The following CUL4B variants were observed in gnomAD, a reference collection of about 807,000 sequenced individuals.
The protein encoded by CUL4B is cullin-4B.
A neutral mutation model predicts 69.2 loss-of-function variants in CUL4B; 1 was observed. The observed-to-expected ratio is 0.01, with a 90% confidence interval of 0.01 to 0.07. CUL4B has a LOEUF of 0.07. CUL4B is among the 10% of genes least tolerant of loss of function. The pLI is 1.00. For synonymous variants in CUL4B, 237 were observed against 223.2 expected (o/e 1.06, Z -0.55); for missense variants, 328 against 638.8 (o/e 0.51, Z 5.24).
Position 120,547,048 on chromosome X carries a change from A to T in CUL4B, c.776+88T>A, listed in dbSNP as rs1212971601. The T allele has an allele frequency of 6.7e-6, 4 of 596,482 alleles. No individual in the cohort carries two copies. The Admixed American group carries it at 7.6e-5, about 11-fold the overall frequency. The allele number at this position is 596,482 out of a possible 1,213,427, so 49.2% of individuals were successfully genotyped here. A position where few individuals can be genotyped will look rare whatever the true frequency, so the allele number is the denominator to read the frequency against. ...AATGACAAACCTACAAAATACAGGC[A>T]TTCTACTTCAAGCTGGGTTAAACAG... On this transcript the variant is annotated intron_variant, in intron 3 of 19. Transcript: ENST00000371322.
At chrX:120,545,842 CAT>C (rs762895092) in intron 4 of CUL4B, among the ~76,000 whole-genome samples, 2 of 74,918 alleles carry the variant, frequency 2.7e-5, no homozygotes, top group Non-Finnish European at 4.5e-5. Flanking sequence ...TTACATTGCA[CAT>C]GTGAGGGTTT....
chrX:120,563,454 C>T (rs1205438643), upstream of CUL4B, among the ~76,000 whole-genome samples: 1 of 111,310 alleles, frequency 9.0e-6, no homozygotes, highest in Admixed American at 9.6e-5. Flanking sequence ...CCAGGCTGGT[C>T]TCGAACTCCT....
chrX:120,561,244 G>T (rs1466085034), upstream of CUL4B: 1 of 512,151 alleles, frequency 2.0e-6, no homozygotes, highest in Non-Finnish European at 3.5e-6. Context: ...GCTCGCGCTA[G>T]TTCGCTCCTG....
chrX:120,550,310 T>C (rs1924611873), intron 2 of CUL4B, among the ~76,000 whole-genome samples: 1 of 112,359 alleles, frequency 8.9e-6, no homozygotes, highest in African/African-American at 3.2e-5. Flanking sequence ...TTTTTGAGCT[T>C]TGAACCAAGT....
At chrX:120,561,196 G>T (rs896944941), upstream of CUL4B, 39 of 641,032 alleles carry the variant, frequency 6.1e-5, no homozygotes, top group Middle Eastern at 2.1e-3. Context: ...TCGCGCGTGA[G>T]GGGGCGGCTG....
At chrX:120,565,389 A>G (rs1005233634), upstream of CUL4B, among the ~76,000 whole-genome samples, 1 of 109,217 alleles carries the variant, frequency 9.2e-6, no homozygotes, top group Non-Finnish European at 1.9e-5. Context: ...AAACAAAACA[A>G]AACAGAAAAA....
intron 18 of CUL4B, among the ~76,000 whole-genome samples, chrX:120,530,588 TG>T (rs1196686108): frequency 7.1e-5 from 8 of 112,383 alleles, no homozygotes; most frequent in African/African-American, 2.6e-4. Flanking sequence ...TCTAAATGTG[TG>T]TATCAGTTTC....
upstream of CUL4B, among the ~76,000 whole-genome samples, chrX:120,564,273 C>T (rs1925426793): frequency 8.9e-6 from 1 of 112,102 alleles, no homozygotes. Context: ...TGCACTCCAG[C>T]CTGGGTGACA....
intron 2 of CUL4B, among the ~76,000 whole-genome samples, chrX:120,572,629 C>G (rs1201403690): frequency 9.0e-6 from 1 of 111,022 alleles, no homozygotes; most frequent in East Asian, 2.8e-4. Flanking sequence ...TTTCTATACA[C>G]TTAACCAACG....
chrX:120,545,585 TA>T, intron 4 of CUL4B, 68 bp from the exon 5 acceptor site: 1 of 761,951 alleles, frequency 1.3e-6, no homozygotes. Flanking sequence ...TTGCTTTCAA[TA>T]AGAATAAAAC....
rs900585161 is a variant in CUL4B, at chrX:120,555,138, C to T, written c.672+2786G>A. On this transcript the variant is annotated intron_variant, in intron 2 of 19. Transcript: ENST00000371322. ...ACTGAACAACAGCAGGTAAAACTTA[C>T]GAAGTACAAGAAAACAAAAACAAGA... Among the ~76,000 whole-genome samples, 8 of 111,835 alleles carry T rather than the reference C, an allele frequency of 7.2e-5. No homozygotes were observed. In the East Asian group the frequency reaches 8.4e-4, roughly 12 times the overall value.
chrX:120,563,037 T>C (rs1002221684), upstream of CUL4B, among the ~76,000 whole-genome samples: 7 of 111,998 alleles, frequency 6.3e-5, no homozygotes, highest in Admixed American at 6.6e-4. Flanking sequence ...GCCCACTTGT[T>C]TTTGTGTCTT....
chrX:120,562,446 C>T (rs756533533), upstream of CUL4B, among the ~76,000 whole-genome samples: 20 of 112,198 alleles, frequency 1.8e-4, no homozygotes, highest in African/African-American at 6.2e-4. Context: ...ATTCTAACTG[C>T]AAAAGCATTC....
upstream of CUL4B, among the ~76,000 whole-genome samples, chrX:120,561,889 G>A (rs772538051): frequency 2.7e-5 from 3 of 111,019 alleles, no homozygotes; most frequent in South Asian, 1.1e-3. Context: ...ATTCGGTGCC[G>A]GTATAAATTG....
intron 18 of CUL4B, 163 bp downstream of exon 18, chrX:120,532,259 C>T (rs1288281112): frequency 2.2e-6 from 1 of 447,789 alleles, no homozygotes; most frequent in Non-Finnish European, 3.8e-6. Context: ...CAACCACTCT[C>T]CCAAACACCC....
upstream of CUL4B, among the ~76,000 whole-genome samples, chrX:120,566,357 A>ATATATATATG (rs1925526088): frequency 2.0e-5 from 1 of 49,974 alleles, no homozygotes; most frequent in African/African-American, 7.2e-5. Flanking sequence ...ATATATATAT[A>ATATATATATG]TATATATATA....
downstream of CUL4B, among the ~76,000 whole-genome samples, chrX:120,567,048 C>G (rs1409275487): frequency 9.0e-6 from 1 of 111,018 alleles, no homozygotes; most frequent in African/African-American, 3.3e-5. Context: ...GTCCCTCCAA[C>G]CCCACCCTGC....
chrX:120,568,999 C>G (rs1389548731), downstream of CUL4B, among the ~76,000 whole-genome samples: 1 of 111,833 alleles, frequency 8.9e-6, no homozygotes, highest in Non-Finnish European at 1.9e-5. Context: ...TTGAGATAAG[C>G]TAAATCAAAA....
chrX:120,565,757 G>A (rs753356807), upstream of CUL4B, among the ~76,000 whole-genome samples: 53 of 78,274 alleles, frequency 6.8e-4, no homozygotes, highest in Non-Finnish European at 1.1e-3. Flanking sequence ...ACAGTGTCTC[G>A]CTCTGTCACC....
Sources: gnomAD v4.1 joint callset for allele counts (sites outside exome capture counted in the v4.1 genomes callset) on GRCh38, gnomAD v4.1.1 for gene constraint, MANE v1.5 for transcripts, NCBI Gene and HGNC (gene_info 2026-07-23, HGNC 2026-07-21) for gene names.